Variants in GABRG3 observed in about 807,000 individuals in gnomAD.
GABRG3 encodes gamma-aminobutyric acid type A receptor subunit gamma3.
In GABRG3, 25 loss-of-function variants were observed where a neutral mutation model predicts 48.8. The ratio of observed to expected loss-of-function variants is 0.51; its 90% CI spans 0.37 to 0.72. GABRG3 has a LOEUF of 0.72. Among genes scored for constraint, GABRG3 ranks in the 30% least tolerant of loss-of-function variants. The pLI is 0.00. For synonymous variants in GABRG3, 227 were observed against 217.6 expected (o/e 1.04, Z -0.38); for missense variants, 394 against 577.9 (o/e 0.68, Z 3.26).
chr15:27,095,194 T>C (rs2140760161), intron 3 of GABRG3, among the ~76,000 whole-genome samples: 1 of 152,346 alleles, frequency 6.6e-6, no homozygotes, highest in Non-Finnish European at 1.5e-5. Flanking sequence ...ATCACCGTCA[T>C]GTCAGCAGCA....
chr15:27,320,201 A>G (rs1386670538), intron 3 of GABRG3, among the ~76,000 whole-genome samples: 1 of 152,178 alleles, frequency 6.6e-6, no homozygotes, highest in Non-Finnish European at 1.5e-5. Context: ...GATATTTACA[A>G]GTGCAAGATG....
chr15:27,057,462 T>C (rs1896569911), intron 3 of GABRG3, among the ~76,000 whole-genome samples: 1 of 152,196 alleles, frequency 6.6e-6, no homozygotes, highest in South Asian at 2.1e-4. Flanking sequence ...CTGAGATTTA[T>C]TAAAACAAAA....
At chr15:27,210,771 C>T (rs931631898) in intron 3 of GABRG3, among the ~76,000 whole-genome samples, 1 of 152,146 alleles carries the variant, frequency 6.6e-6, no homozygotes, top group East Asian at 1.9e-4. Context: ...CGAGCAGGCC[C>T]CTTTGGGGAC....
chr15:27,346,719 C>G (rs1488717806), intron 5 of GABRG3, among the ~76,000 whole-genome samples: 1 of 152,016 alleles, frequency 6.6e-6, no homozygotes, highest in African/African-American at 2.4e-5. Flanking sequence ...GTCAATTCTA[C>G]TGATGACCCC....
At chr15:27,350,257 A>G (rs925435855) in intron 5 of GABRG3, 1 of 447,312 alleles carries the variant, frequency 2.2e-6, no homozygotes, top group Admixed American at 2.4e-5. Context: ...AGGCTCAGAG[A>G]GGTTGCATTT....
intron 3 of GABRG3, among the ~76,000 whole-genome samples, chr15:27,051,635 A>C (rs1014275460): frequency 6.6e-6 from 1 of 152,192 alleles, no homozygotes; most frequent in Admixed American, 6.5e-5. Flanking sequence ...GTAGTCCCCA[A>C]CCTTTTTGGC....
At chr15:27,389,294 TG>T (rs555768779) in intron 5 of GABRG3, among the ~76,000 whole-genome samples, 5 of 152,168 alleles carry the variant, frequency 3.3e-5, no homozygotes, top group Non-Finnish European at 7.3e-5. Context: ...AAATATCCAG[TG>T]GTAAGTGTGT....
intron 3 of GABRG3, among the ~76,000 whole-genome samples, chr15:27,274,977 C>A (rs956619829): frequency 6.6e-6 from 1 of 152,060 alleles, no homozygotes; most frequent in Non-Finnish European, 1.5e-5. Context: ...TAAAGACCAA[C>A]GCCATAGAAA....
At position 27,131,762 on chromosome 15, in the gene GABRG3, C is replaced by T. The variant is rs1039465846; in HGVS notation, c.270+104941C>T. On this transcript the variant is annotated intron_variant, in intron 3 of 9. Transcript: ENST00000615808. ...TACCTGTACTAATTTACATTTCTAC[C>T]TCATCAGCGGTTCTCCTTTCTCCAC... Among the ~76,000 whole-genome samples, 163 of 152,038 alleles carry T rather than the reference C, an allele frequency of 1.1e-3. 2 individuals carry two copies. Among genetic ancestry groups the T allele is most frequent in the African/African-American group, 3.9e-3 (161 of 41,514 alleles).
intron 5 of GABRG3, among the ~76,000 whole-genome samples, chr15:27,351,355 TGTGA>T (rs1474650958): frequency 2.3e-4 from 34 of 146,678 alleles, no homozygotes; most frequent in African/African-American, 8.6e-4. Flanking sequence ...TGTGTGTATG[TGTGA>T]GTGCCTTTGT....
intron 2 of GABRG3, among the ~76,000 whole-genome samples, chr15:27,019,321 TG>T (rs985338069): frequency 7.1e-4 from 108 of 152,086 alleles, no homozygotes; most frequent in African/African-American, 2.4e-3. Context: ...CCCCCCGCCT[TG>T]GCCTCCCAAA....
intron 5 of GABRG3, among the ~76,000 whole-genome samples, chr15:27,443,507 T>C (rs952246132): frequency 2.0e-5 from 3 of 152,234 alleles, no homozygotes; most frequent in African/African-American, 7.2e-5. Context: ...ATATTCTGTT[T>C]ACTGACCTTG....
chr15:26,990,418 T>A (rs1895226107), intron 2 of GABRG3, among the ~76,000 whole-genome samples: 1 of 152,252 alleles, frequency 6.6e-6, no homozygotes, highest in Non-Finnish European at 1.5e-5. Context: ...TTTGTATATC[T>A]TCTTTTGAGA....
At chr15:27,148,289 C>T (rs1898247086) in intron 3 of GABRG3, among the ~76,000 whole-genome samples, 1 of 151,784 alleles carries the variant, frequency 6.6e-6, no homozygotes, top group Non-Finnish European at 1.5e-5. Flanking sequence ...ACTACCAAAA[C>T]TGAATCAAGA....
rs1468192412 is a variant in GABRG3 at position 26,976,542 on chromosome 15, T to C, written c.54-460T>C. 6.6e-6 allele frequency among the ~76,000 whole-genome samples: 1 copy of C among 151,660 alleles called. No individual in the cohort carries two copies. Among genetic ancestry groups the C allele is most frequent in the Non-Finnish European group, 1.5e-5 (1 of 67,950 alleles). ...GTCAGACTCAACTATTTTGAATGAGTCCACTCTGCAAAAGCTAATCTCACC... is the reference window on the plus strand; with the variant it reads ...GTCAGACTCAACTATTTTGAATGAGCCCACTCTGCAAAAGCTAATCTCACC... On this transcript the variant is annotated intron_variant, in intron 1 of 9. Coordinates refer to ENST00000615808, the MANE Select transcript of GABRG3 (RefSeq NM_033223.5). This position sits in a 1 kb window ranked among gnomAD's most constrained non-coding sequence, Gnocchi z 7.8.
chr15:27,321,754 C>CT (rs905451291), intron 3 of GABRG3, among the ~76,000 whole-genome samples: 1 of 152,190 alleles, frequency 6.6e-6, no homozygotes, highest in African/African-American at 2.4e-5. Context: ...CTCTAATCTC[C>CT]TTTTTTTCAT....
At position 27,242,335 on chromosome 15, in the gene GABRG3, A is replaced by G. The variant is rs949893411; in HGVS notation, c.271-84474A>G. On this transcript the variant is annotated intron_variant, in intron 3 of 9. Coordinates refer to ENST00000615808, the MANE Select transcript of GABRG3 (RefSeq NM_033223.5). ...TGAGAGGCAACCAGGTGTCTCTACC[A>G]TGCTGTGACATTAGTTTAGTTGCTC... Among the ~76,000 whole-genome samples, 7 of 152,184 alleles carry G rather than the reference A, an allele frequency of 4.6e-5. No individual in the cohort carries two copies. The South Asian group carries it at 1.0e-3, about 23-fold the overall frequency.
At chr15:27,526,822 C>G (rs1891287785) in intron 7 of GABRG3, among the ~76,000 whole-genome samples, 1 of 152,090 alleles carries the variant, frequency 6.6e-6, no homozygotes, top group Non-Finnish European at 1.5e-5. Context: ...TGCTGGGGGA[C>G]AAGCAAACAA....
intron 2 of GABRG3, among the ~76,000 whole-genome samples, chr15:26,995,739 A>G (rs1229984904): frequency 6.6e-6 from 1 of 152,126 alleles, no homozygotes; most frequent in African/African-American, 2.4e-5. Flanking sequence ...CCAATTGAAC[A>G]TAGAAATTTA....
Sources: allele counts gnomAD v4.1 joint callset (sites outside exome capture counted in the v4.1 genomes callset), GRCh38; gene constraint gnomAD v4.1.1; non-coding constraint Gnocchi (gnomAD v3.1); transcripts MANE v1.5; gene names NCBI Gene and HGNC (gene_info 2026-07-23, HGNC 2026-07-21).